CNIH3: variants seen among roughly 807,000 people sequenced by gnomAD.
The protein encoded by CNIH3 is protein cornichon homolog 3.
Under a neutral mutation model 24.1 loss-of-function variants are expected in CNIH3, and 14 were observed. The ratio of observed to expected loss-of-function variants is 0.58; its 90% CI spans 0.38 to 0.91. The LOEUF is 0.91. Among genes scored for constraint, CNIH3 ranks in the 40% least tolerant of loss-of-function variants. The pLI is 0.00. For synonymous variants in CNIH3, 68 were observed against 73.8 expected (o/e 0.92, Z 0.40); for missense variants, 178 against 196.8 (o/e 0.90, Z 0.57).
intron 1 of CNIH3, among the ~76,000 whole-genome samples, chr1:224,461,058 A>G (rs888394278): frequency 6.7e-6 from 1 of 148,628 alleles, no homozygotes; most frequent in African/African-American, 2.5e-5. Flanking sequence ...CCTGGAGTGC[A>G]GTGGGGCGAG....
chr1:224,520,947 C>T (rs746060991), intron 1 of CNIH3: 5 of 152,184 alleles, frequency 3.3e-5, no homozygotes, highest in Admixed American at 2.6e-4. Context: ...AATTCCATGT[C>T]GTCAGGGCAC....
In CNIH3 at chr1:224,597,175, A is replaced by AAAC. The variant is rs904638096; in HGVS notation, n.402+30913_402+30914insCAA. On this transcript the variant is annotated intron_variant and non_coding_transcript_variant, in intron 3 of 7. Transcript: ENST00000478120. Reference sequence around the variant, plus strand: ...CTCAAAAACAAACAAACAAACAAACAAAAAAAAAAACAAAAACCAAACCAA... The same window carrying AAAC: ...CTCAAAAACAAACAAACAAACAAACAAACAAAAAAAAAACAAAAACCAAACCAA... 4.6e-3 allele frequency among the ~76,000 whole-genome samples: 268 copies of AAAC among 58,090 alleles called. 14 individuals are homozygous for AAAC. In the South Asian group the frequency reaches 0.16, roughly 35 times the overall value. The allele number at this position is 58,090 out of a possible 152,430, so 38.1% of individuals were successfully genotyped here.
At chr1:224,586,661 C>T (rs897538548) in intron 5 of CNIH3, among the ~76,000 whole-genome samples, 1 of 152,154 alleles carries the variant, frequency 6.6e-6, no homozygotes, top group African/African-American at 2.4e-5. Flanking sequence ...TTTGTGTTCA[C>T]CCAGAACCTC....
At chr1:224,634,356 G>T (rs1683975615) in intron 1 of CNIH3, among the ~76,000 whole-genome samples, 1 of 152,174 alleles carries the variant, frequency 6.6e-6, no homozygotes, top group Non-Finnish European at 1.5e-5. Context: ...GGATCATGAG[G>T]TCAGGTGTTC....
chr1:224,739,549 C>T lies in CNIH3; in HGVS notation c.*193C>T, dbSNP rs1015627376. 4.0e-6 allele frequency: 4 copies of T among 1,012,288 alleles called. No homozygotes were observed. Among genetic ancestry groups the T allele is most frequent in the Non-Finnish European group, 5.7e-6 (4 of 700,870 alleles). The allele number at this position is 1,012,288 out of a possible 1,614,324, so 62.7% of individuals were successfully genotyped here. On this transcript the variant is annotated 3_prime_UTR_variant, in exon 6 of 6. Coordinates refer to ENST00000272133, the MANE Select transcript of CNIH3 (RefSeq NM_152495.2). ...GAGTTAACCCTGCGTGTCTGTGTCA[C>T]CCTGTTTGTCAATCTTTGGCATTCG... is the stretch of plus-strand genomic sequence containing the variant.
At chr1:224,536,284 C>CTTTTTT (rs373201561) in intron 2 of CNIH3, among the ~76,000 whole-genome samples, 17 of 86,084 alleles carry the variant, frequency 2.0e-4, no homozygotes, top group East Asian at 7.9e-4. Context: ...TAATTGTTGT[C>CTTTTTT]TTTTTTTTTT....
At position 224,559,256 on chromosome 1, in the gene CNIH3, C is replaced by A. The variant is rs149280708; in HGVS notation, n.451-6943C>A. ...CAGAGGATGTTTCTATTAATAATAC[C>A]TTCTGTTTCCCACTTCTTTTGTTTT... On this transcript the variant is annotated intron_variant and non_coding_transcript_variant, in intron 3 of 5. Transcript: ENST00000471578. Among the ~76,000 whole-genome samples, 26 of 152,230 alleles carry A rather than the reference C, an allele frequency of 1.7e-4. No individual in the cohort carries two copies. The East Asian group carries it at 4.0e-3, about 24-fold the overall frequency.
chr1:224,515,885 G>A (rs1012641560), intron 1 of CNIH3: 7 of 152,186 alleles, frequency 4.6e-5, no homozygotes, highest in African/African-American at 1.4e-4. Flanking sequence ...AGGTACGAAG[G>A]TCGTTGCTTA....
chr1:224,499,847 T>C (rs1677581744), intron 1 of CNIH3, among the ~76,000 whole-genome samples: 1 of 150,162 alleles, frequency 6.7e-6, no homozygotes. Context: ...GAGGATCGCT[T>C]GAGGCCAGGA....
intron 3 of CNIH3, among the ~76,000 whole-genome samples, chr1:224,707,653 G>A (rs996232974): frequency 6.6e-6 from 1 of 152,130 alleles, no homozygotes; most frequent in Admixed American, 6.5e-5. Flanking sequence ...TTGTTATAAA[G>A]GCAGAATCTC....
chr1:224,731,630 T>C (rs1427370065), intron 4 of CNIH3, among the ~76,000 whole-genome samples: 1 of 152,250 alleles, frequency 6.6e-6, no homozygotes, highest in Non-Finnish European at 1.5e-5. Flanking sequence ...CCAGGCATTG[T>C]GAGGGATTTC....
downstream of CNIH3, among the ~76,000 whole-genome samples, chr1:224,538,475 G>C (rs981380248): frequency 1.3e-5 from 2 of 152,040 alleles, no homozygotes; most frequent in Admixed American, 1.3e-4. Flanking sequence ...TCGTAGCACC[G>C]AATGAGGTTG....
At chr1:224,502,384 G>C (rs190490022) in intron 1 of CNIH3, among the ~76,000 whole-genome samples, 1 of 152,332 alleles carries the variant, frequency 6.6e-6, no homozygotes, top group East Asian at 1.9e-4. Context: ...GCAGCCTTTG[G>C]AGCCGAAAGC....
In CNIH3 at chr1:224,455,642, C is replaced by G. The variant is rs550731963; in HGVS notation, n.203+20780C>G. 2.6e-5 allele frequency among the ~76,000 whole-genome samples: 4 copies of G among 152,236 alleles called. No individual in the cohort carries two copies. The South Asian group carries it at 8.3e-4, about 32-fold the overall frequency. On this transcript the variant is annotated intron_variant and non_coding_transcript_variant, in intron 1 of 5. Transcript: ENST00000471578. ...GATGCTGGGTGGTCCCTGCCCAAGG[C>G]TTAGTCTGACCCTACTCAGGAAGGG...
At chr1:224,722,344 AG>A (rs1474057876) in intron 3 of CNIH3, among the ~76,000 whole-genome samples, 1 of 152,220 alleles carries the variant, frequency 6.6e-6, no homozygotes, top group East Asian at 1.9e-4. Flanking sequence ...TAAAGAGTCT[AG>A]AGTGGAACCT....
At chr1:224,664,848 C>T (rs1473258089) in intron 1 of CNIH3, 1 of 152,144 alleles carries the variant, frequency 6.6e-6, no homozygotes, top group East Asian at 1.9e-4. Context: ...GATTCTCCTG[C>T]CTCAGCCTCT....
chr1:224,672,307 T>C (rs10495224), intron 1 of CNIH3, among the ~76,000 whole-genome samples: 32,866 of 152,096 alleles, frequency 0.22, 3,607 homozygotes, highest in East Asian at 0.26. Context: ...TGCTAACATT[T>C]TCAGGTAGCA....
chr1:224,733,168 C>T (rs1223088831), intron 4 of CNIH3, among the ~76,000 whole-genome samples: 1 of 152,174 alleles, frequency 6.6e-6, no homozygotes, highest in African/African-American at 2.4e-5. Flanking sequence ...TTGCATACAT[C>T]GCCTCACATA....
chr1:224,568,073 C>T (rs915525835), intron 4 of CNIH3, among the ~76,000 whole-genome samples: 16 of 152,106 alleles, frequency 1.1e-4, no homozygotes, highest in Admixed American at 5.9e-4. Context: ...GGGCGGATCA[C>T]GAGGTCAGGA....
Sources: allele counts gnomAD v4.1 joint callset (sites outside exome capture counted in the v4.1 genomes callset), GRCh38; gene constraint gnomAD v4.1.1; transcripts MANE v1.5; gene names NCBI Gene and HGNC (gene_info 2026-07-23, HGNC 2026-07-21).